The following PRKN variants were observed in gnomAD, a reference collection of about 807,000 sequenced individuals.
The protein encoded by PRKN is E3 ubiquitin-protein ligase parkin.
Under a neutral mutation model 59.5 loss-of-function variants are expected in PRKN, and 56 were observed. The ratio of observed to expected loss-of-function variants is 0.94; its 90% CI spans 0.76 to 1.18. The LOEUF (loss-of-function observed/expected upper bound fraction) is 1.18, where lower values mean the gene tolerates loss of function less well. PRKN is among the 50% of genes most tolerant of loss of function. The pLI, the probability that PRKN is intolerant of heterozygous loss-of-function variation, is 0.00. For synonymous variants in PRKN, 250 were observed against 222.1 expected (o/e 1.13, Z -1.12); for missense variants, 657 against 596.4 (o/e 1.10, Z -1.06).
chr6:162,423,075 A>G (rs1339761113), intron 2 of PRKN, among the ~76,000 whole-genome samples: 6 of 152,162 alleles, frequency 3.9e-5, no homozygotes, highest in Non-Finnish European at 7.3e-5. Context: ...TATTACAAAG[A>G]AATCTGAATT....
intron 2 of PRKN, among the ~76,000 whole-genome samples, chr6:162,369,045 C>T (rs1785608080): frequency 6.6e-6 from 1 of 152,132 alleles, no homozygotes; most frequent in Non-Finnish European, 1.5e-5. Context: ...TGCCCATTTC[C>T]TTCGTTTTCA....
At chr6:162,013,541 C>G (rs539895708) in intron 5 of PRKN, among the ~76,000 whole-genome samples, 10 of 152,078 alleles carry the variant, frequency 6.6e-5, no homozygotes, top group Non-Finnish European at 1.5e-4. Flanking sequence ...AAAGACGAAG[C>G]TAGGAAATGT....
chr6:162,218,974 G>A (rs1382269818), intron 3 of PRKN, among the ~76,000 whole-genome samples: 2 of 152,078 alleles, frequency 1.3e-5, no homozygotes, highest in Admixed American at 1.3e-4. Context: ...AGGAGTTTGA[G>A]ACCAGCCCGG....
intron 4 of PRKN, among the ~76,000 whole-genome samples, chr6:162,117,486 C>G (rs892437594): frequency 2.0e-5 from 3 of 152,180 alleles, no homozygotes; most frequent in African/African-American, 7.2e-5. Context: ...TATGCATTTC[C>G]AAGCCAAGTC....
intron 1 of PRKN, among the ~76,000 whole-genome samples, chr6:162,565,223 C>T (rs1780008347): frequency 6.6e-6 from 1 of 151,784 alleles, no homozygotes; most frequent in African/African-American, 2.4e-5. Flanking sequence ...CAAACCAAAA[C>T]AACACACAGT....
rs114195497 is a variant in PRKN at position 161,374,804 on chromosome 6, G to A, written c.1167+11990C>T. Among the ~76,000 whole-genome samples, 317 of 152,018 alleles carry A rather than the reference G, an allele frequency of 2.1e-3. 1 individual carries two copies. Among genetic ancestry groups the A allele is most frequent in the African/African-American group, 7.1e-3 (293 of 41,418 alleles). On this transcript the variant is annotated intron_variant, in intron 10 of 11. Transcript: ENST00000366898. ...TCTATAAAAATATTTTCCACATTGC[G>A]AACTTGTTCTAGCTGCTTGTTTATG...
intron 1 of PRKN, among the ~76,000 whole-genome samples, chr6:162,475,820 C>T (rs1336178798): frequency 3.3e-5 from 5 of 152,248 alleles, no homozygotes; most frequent in African/African-American, 7.2e-5. Flanking sequence ...GGCGCAATCT[C>T]AGCTCACTGC....
At chr6:162,021,235 T>C (rs1238772087) in intron 5 of PRKN, among the ~76,000 whole-genome samples, 2 of 131,768 alleles carry the variant, frequency 1.5e-5, no homozygotes, top group Admixed American at 8.2e-5. Flanking sequence ...ATCAAATATA[T>C]ATATAATGTA....
rs1778103601 is a variant in PRKN at position 162,522,166 on chromosome 6, C to T, written c.8-78693G>A. Among the ~76,000 whole-genome samples the T allele has an allele frequency of 2.0e-5, 3 of 152,174 alleles. No individual in the cohort carries two copies. In the South Asian group the frequency reaches 6.2e-4, roughly 32 times the overall value. On this transcript the variant is annotated intron_variant, in intron 1 of 11. Coordinates refer to ENST00000366898, the MANE Select transcript of PRKN (RefSeq NM_004562.3). Reference sequence around the variant, plus strand: ...TGAGACAAGCTCTGGCTCTATCACCCAGGCTAGAGTGTAGTGGGGCAATCT... The same window carrying T: ...TGAGACAAGCTCTGGCTCTATCACCTAGGCTAGAGTGTAGTGGGGCAATCT...
chr6:162,168,545 A>C (rs367703701), intron 4 of PRKN, among the ~76,000 whole-genome samples: 2 of 137,196 alleles, frequency 1.5e-5, no homozygotes, highest in East Asian at 4.0e-4. Flanking sequence ...CCATCATTCT[A>C]ATCTGTTTTA....
At chr6:161,394,882 C>T (rs1451687543) in intron 9 of PRKN, among the ~76,000 whole-genome samples, 2 of 152,192 alleles carry the variant, frequency 1.3e-5, no homozygotes, top group Non-Finnish European at 2.9e-5. Context: ...TTACTTCCTA[C>T]TCCAAAATAG....
chr6:162,228,113 A>G (rs910344533), intron 3 of PRKN, among the ~76,000 whole-genome samples: 3 of 152,186 alleles, frequency 2.0e-5, no homozygotes, highest in Non-Finnish European at 2.9e-5. Context: ...ACCTGGGCAT[A>G]AAGCAAATTA....
intron 6 of PRKN, among the ~76,000 whole-genome samples, chr6:161,803,952 G>A (rs955479003): frequency 6.6e-6 from 1 of 152,208 alleles, no homozygotes; most frequent in African/African-American, 2.4e-5. Context: ...AAAGAAGGAG[G>A]CGGTGTTGCC....
chr6:161,891,694 A>C (rs1038876794), intron 6 of PRKN, among the ~76,000 whole-genome samples: 4 of 152,210 alleles, frequency 2.6e-5, no homozygotes, highest in African/African-American at 7.2e-5. Context: ...GCATATCTAC[A>C]GGGGGTAAGA....
In PRKN at chr6:162,435,860, T is replaced by C. The variant is rs6903529; in HGVS notation, c.171+7450A>G. 8.6e-3 allele frequency among the ~76,000 whole-genome samples: 1,308 copies of C among 152,234 alleles called. 20 individuals carry two copies. The highest frequency in any genetic ancestry group is 0.03 in the African/African-American group (1,233 of 41,546). The stretch of plus-strand genomic sequence containing the variant: ...ATAATGGTATTGAGCCTGGCCTCCT[T>C]TTATCTTATAATCAGTTAAAATAGG... On this transcript the variant is annotated intron_variant, in intron 2 of 11. Transcript: ENST00000366898.
At chr6:161,508,019 T>C (rs975781742) in intron 9 of PRKN, among the ~76,000 whole-genome samples, 1 of 152,186 alleles carries the variant, frequency 6.6e-6, no homozygotes, top group African/African-American at 2.4e-5. Flanking sequence ...AAGTTTCTGA[T>C]AAAACGTATC....
intron 1 of PRKN, among the ~76,000 whole-genome samples, chr6:162,575,853 C>T (rs1290343292): frequency 1.3e-5 from 2 of 152,160 alleles, no homozygotes; most frequent in African/African-American, 4.8e-5. Context: ...AACAAGAGAA[C>T]AATCGGCCTG....
intron 1 of PRKN, among the ~76,000 whole-genome samples, chr6:162,577,182 G>A (rs1583839006): frequency 1.3e-5 from 2 of 151,640 alleles, no homozygotes; most frequent in Non-Finnish European, 2.9e-5. Context: ...ATATGAAAAA[G>A]ATAAATACCC....
At chr6:161,433,280 G>A (rs972008670) in intron 9 of PRKN, among the ~76,000 whole-genome samples, 13 of 152,144 alleles carry the variant, frequency 8.5e-5, no homozygotes, top group South Asian at 2.1e-4. Flanking sequence ...AGCAGTATGC[G>A]TCCGCGGCAT....
Sources: gnomAD v4.1 joint callset for allele counts (sites outside exome capture counted in the v4.1 genomes callset) on GRCh38, gnomAD v4.1.1 for gene constraint, MANE v1.5 for transcripts, NCBI Gene and HGNC (gene_info 2026-07-23, HGNC 2026-07-21) for gene names.